The following TRHDE variants were observed in gnomAD, a reference collection of about 807,000 sequenced individuals.
TRHDE encodes the protein thyrotropin releasing hormone degrading enzyme, also known as thyrotropin-releasing hormone-degrading ectoenzyme.
In TRHDE, 72 loss-of-function variants were observed where a neutral mutation model predicts 125.7. The ratio of observed to expected loss-of-function variants is 0.57; its 90% CI spans 0.47 to 0.70. TRHDE has a LOEUF of 0.70. Ranked by LOEUF, TRHDE falls within the 30% of genes least tolerant of loss-of-function variation. The pLI is 0.00. For synonymous variants in TRHDE, 509 were observed against 509.1 expected, an observed-to-expected ratio of 1.00 and a Z score of 0.00; for missense variants, 1,110 against 1,327.1, an observed-to-expected ratio of 0.84 and a Z score of 2.54.
chr12:72,570,935 AC>A (rs1870696052), intron 10 of TRHDE, among the ~76,000 whole-genome samples: 2 of 152,176 alleles, frequency 1.3e-5, no homozygotes, highest in Non-Finnish European at 2.9e-5. Flanking sequence ...TAACATTGCC[AC>A]ATTTAGAATG....
chr12:72,441,610 C>T (rs569240905), intron 3 of TRHDE, among the ~76,000 whole-genome samples: 1 of 151,794 alleles, frequency 6.6e-6, no homozygotes, highest in Admixed American at 6.6e-5. Flanking sequence ...CTGTTACAGG[C>T]AGAATCATAA....
chr12:72,157,147 G>T (rs150490738), intron 2 of TRHDE, among the ~76,000 whole-genome samples: 2 of 149,550 alleles, frequency 1.3e-5, no homozygotes, highest in African/African-American at 4.9e-5. Context: ...GAGCTCTGTC[G>T]CCCAGGCTGG....
chr12:72,271,700 C>G (rs533623256), upstream of TRHDE: 53 of 347,496 alleles, frequency 1.5e-4, no homozygotes, highest in East Asian at 3.9e-3. Flanking sequence ...CCCTGGCAAT[C>G]TAAACCCGAA....
intron 2 of TRHDE, among the ~76,000 whole-genome samples, chr12:72,185,125 C>G (rs1388940428): frequency 6.6e-6 from 1 of 152,180 alleles, no homozygotes; most frequent in East Asian, 1.9e-4. Flanking sequence ...GGCGGGCCCG[C>G]ACTCGCACTC....
intron 6 of TRHDE, among the ~76,000 whole-genome samples, chr12:72,518,945 C>G (rs549028747): frequency 0.075 from 11,341 of 152,090 alleles, 528 homozygotes; most frequent in Middle Eastern, 0.13. Flanking sequence ...GTTGAAAATT[C>G]TTTTCTTTAA....
chr12:72,385,845 CA>C (rs1181363327), intron 3 of TRHDE, among the ~76,000 whole-genome samples: 5 of 151,974 alleles, frequency 3.3e-5, no homozygotes. Context: ...GAGATAAGCA[CA>C]ATAGTAAGGA....
intron 2 of TRHDE, among the ~76,000 whole-genome samples, chr12:72,228,984 T>A (rs1335797589): frequency 6.6e-6 from 1 of 152,198 alleles, no homozygotes; most frequent in Non-Finnish European, 1.5e-5. Flanking sequence ...GTCACAACCA[T>A]TCAACAAGTC....
chr12:72,095,920 G>A (rs1257270589), intron 1 of TRHDE, among the ~76,000 whole-genome samples: 1 of 152,070 alleles, frequency 6.6e-6, no homozygotes, highest in African/African-American at 2.4e-5. Context: ...ATGTGGTTGG[G>A]CCTCCTCCAA....
At chr12:72,488,168 A>G (rs568662376) in intron 5 of TRHDE, among the ~76,000 whole-genome samples, 1 of 152,244 alleles carries the variant, frequency 6.6e-6, no homozygotes, top group African/African-American at 2.4e-5. Flanking sequence ...ACCTATCAAT[A>G]ATAACCTTGA....
Position 72,093,539 on chromosome 12 carries a change from T to C in TRHDE, n.174+6100T>C, listed in dbSNP as rs545915400. Among the ~76,000 whole-genome samples the C allele has an allele frequency of 6.5e-4, 99 of 152,148 alleles. 1 individual carries two copies. Among genetic ancestry groups the C allele is most frequent in the Non-Finnish European group, 1.3e-3 (86 of 68,018 alleles). The stretch of plus-strand genomic sequence containing the variant: ...TTCTTTTTTCTTTTTGTTCCTCTAA[T>C]TGGCTAATTCCAAATTACCTGTTTT... On this transcript the variant is annotated intron_variant and non_coding_transcript_variant, in intron 1 of 4. Transcript: ENST00000548156.
chr12:72,490,993 A>C (rs201091717), intron 5 of TRHDE, among the ~76,000 whole-genome samples: 1 of 45,544 alleles, frequency 2.2e-5, no homozygotes, highest in Non-Finnish European at 3.5e-5. Flanking sequence ...CCACAAAACC[A>C]AAAAAAAAAA....
At chr12:72,378,875 C>T (rs1872019151) in intron 3 of TRHDE, among the ~76,000 whole-genome samples, 1 of 152,136 alleles carries the variant, frequency 6.6e-6, no homozygotes, top group Admixed American at 6.5e-5. Flanking sequence ...CTGCTTTTGC[C>T]AGGGAGTCAA....
At chr12:72,605,768 T>G (rs1357350573) in intron 12 of TRHDE, among the ~76,000 whole-genome samples, 1 of 152,136 alleles carries the variant, frequency 6.6e-6, no homozygotes, top group African/African-American at 2.4e-5. Context: ...TGAAAATGCA[T>G]GACACACATA....
At chr12:72,378,825 A>G (rs1243131353) in intron 3 of TRHDE, among the ~76,000 whole-genome samples, 1 of 152,218 alleles carries the variant, frequency 6.6e-6, no homozygotes, top group Non-Finnish European at 1.5e-5. Context: ...GGTCAAATGC[A>G]TAAATGAATT....
intron 2 of TRHDE, among the ~76,000 whole-genome samples, chr12:72,239,400 A>G (rs2139379863): frequency 6.6e-6 from 1 of 152,064 alleles, no homozygotes; most frequent in Admixed American, 6.5e-5. Context: ...ATTAGACCCC[A>G]TTTGTCAATT....
intron 3 of TRHDE, among the ~76,000 whole-genome samples, chr12:72,394,085 T>C (rs1038750512): frequency 6.6e-6 from 1 of 152,170 alleles, no homozygotes; most frequent in Non-Finnish European, 1.5e-5. Flanking sequence ...GTTTGGACAA[T>C]TAATTCCATT....
At chr12:72,316,080 T>A (rs1868787069) in intron 2 of TRHDE, among the ~76,000 whole-genome samples, 1 of 152,164 alleles carries the variant, frequency 6.6e-6, no homozygotes, top group Non-Finnish European at 1.5e-5. Flanking sequence ...AGCTGGGATG[T>A]GGCCAAAGGG....
At chr12:72,629,251 A>T (rs1159450398) in intron 15 of TRHDE, among the ~76,000 whole-genome samples, 1 of 151,822 alleles carries the variant, frequency 6.6e-6, no homozygotes, top group Non-Finnish European at 1.5e-5. Flanking sequence ...AAAAAATTAT[A>T]TTACTAGCCA....
At chr12:72,399,506 G>A (rs1224107462) in intron 3 of TRHDE, among the ~76,000 whole-genome samples, 2 of 152,044 alleles carry the variant, frequency 1.3e-5, no homozygotes, top group South Asian at 2.1e-4. Context: ...AAACAGAGAT[G>A]TTTTACTTAT....
Sources: allele counts gnomAD v4.1 joint callset (sites outside exome capture counted in the v4.1 genomes callset), GRCh38; gene constraint gnomAD v4.1.1; transcripts MANE v1.5; gene names NCBI Gene and HGNC (gene_info 2026-07-23, HGNC 2026-07-21).